Variants in MYO6 observed in about 807,000 individuals in gnomAD.
The protein encoded by MYO6 is myosin VI, also known as unconventional myosin-VI.
A neutral mutation model predicts 178.7 loss-of-function variants in MYO6; 74 were observed. The ratio of observed to expected loss-of-function variants is 0.41; its 90% CI spans 0.34 to 0.50. The LOEUF is 0.50. Ranked by LOEUF, MYO6 falls within the 20% of genes least tolerant of loss-of-function variation. MYO6 has a pLI of 0.09. For synonymous variants in MYO6, 477 were observed against 504.6 expected (o/e 0.95, Z 0.73); for missense variants, 1,330 against 1,547.4 (o/e 0.86, Z 2.36).
chr6:75,795,499 A>T (rs758354243), intron 1 of MYO6, among the ~76,000 whole-genome samples: 1 of 152,204 alleles, frequency 6.6e-6, no homozygotes, highest in Non-Finnish European at 1.5e-5. Context: ...TGACAAAACC[A>T]TTATGGTTTT....
chr6:75,849,933 A>G (rs1775102674), intron 11 of MYO6, among the ~76,000 whole-genome samples: 1 of 152,116 alleles, frequency 6.6e-6, no homozygotes, highest in African/African-American at 2.4e-5. Context: ...AGCATAGATA[A>G]GGCCCACTGG....
In MYO6 at chr6:75,862,158, G is replaced by A. The variant is rs72654786; in HGVS notation, c.1547-438G>A. ...GGAATTTCAAACGAATGGAAAGAGC[G>A]TAAAAATGTGTTGTTACAGATTTTG... On this transcript the variant is annotated intron_variant, in intron 15 of 34. Coordinates refer to ENST00000369977, the MANE Select transcript of MYO6 (RefSeq NM_004999.4). Among the ~76,000 whole-genome samples the A allele has an allele frequency of 0.013, 1,999 of 152,288 alleles. 74 individuals carry two copies. The East Asian group carries it at 0.15, about 11-fold the overall frequency.
At chr6:75,844,829 G>T in intron 9 of MYO6, 68 bp from the exon 10 acceptor site, 1 of 1,281,354 alleles carries the variant, frequency 7.8e-7, no homozygotes, top group Non-Finnish European at 1.1e-6. Flanking sequence ...TTGGTAAGTT[G>T]TGTTTTCTCC....
intron 1 of MYO6, among the ~76,000 whole-genome samples, chr6:75,750,588 C>A (rs1036938421): frequency 1.3e-5 from 2 of 148,470 alleles, no homozygotes; most frequent in Non-Finnish European, 3.0e-5. Flanking sequence ...TAAATAAAGT[C>A]AGAACTTGAG....
At chr6:75,900,463 G>A (rs1347655392) in intron 30 of MYO6, among the ~76,000 whole-genome samples, 1 of 152,194 alleles carries the variant, frequency 6.6e-6, no homozygotes, top group African/African-American at 2.4e-5. Context: ...TTGTGGTTTT[G>A]ATTTGCATTT....
intron 1 of MYO6, among the ~76,000 whole-genome samples, chr6:75,791,859 C>A (rs1352964149): frequency 6.6e-6 from 1 of 152,164 alleles, no homozygotes; most frequent in African/African-American, 2.4e-5. Flanking sequence ...ACAGTGCATA[C>A]TTGAATCATT....
chr6:75,865,840 A>G (rs9447570), intron 16 of MYO6, among the ~76,000 whole-genome samples: 355 of 152,322 alleles, frequency 2.3e-3, no homozygotes, highest in African/African-American at 8.2e-3. Flanking sequence ...ATGTTAGGCT[A>G]TATTATTTGA....
intron 29 of MYO6, among the ~76,000 whole-genome samples, chr6:75,896,229 G>A (rs561747680): frequency 5.3e-5 from 8 of 152,112 alleles, no homozygotes; most frequent in Non-Finnish European, 1.0e-4. Context: ...TTTAATAAAT[G>A]ATGCAACCTA....
At chr6:75,867,844 A>G (rs1320361895) in intron 18 of MYO6, among the ~76,000 whole-genome samples, 3 of 152,144 alleles carry the variant, frequency 2.0e-5, no homozygotes, top group Non-Finnish European at 4.4e-5. Flanking sequence ...GAACACTACT[A>G]ATTGGTTCTA....
chr6:75,756,481 C>A (rs888134188), intron 1 of MYO6, among the ~76,000 whole-genome samples: 1 of 152,082 alleles, frequency 6.6e-6, no homozygotes. Context: ...TACAGGTGCT[C>A]ACGACCATGC....
At chr6:75,902,163 C>T (rs1264991199) in intron 30 of MYO6, among the ~76,000 whole-genome samples, 3 of 152,282 alleles carry the variant, frequency 2.0e-5, no homozygotes, top group Non-Finnish European at 2.9e-5. Flanking sequence ...CAATGTTCTT[C>T]AAGGATATTG....
chr6:75,847,925 A>G (rs958045387), intron 10 of MYO6, among the ~76,000 whole-genome samples: 1 of 152,082 alleles, frequency 6.6e-6, no homozygotes, highest in Non-Finnish European at 1.5e-5. Context: ...TGATACATGT[A>G]TACATTGTGG....
chr6:75,866,277 G>GTGTGTC (rs1562263580), intron 16 of MYO6, among the ~76,000 whole-genome samples: 1 of 126,908 alleles, frequency 7.9e-6, no homozygotes, highest in Non-Finnish European at 1.8e-5. Flanking sequence ...CTCTGTCTCT[G>GTGTGTC]TGTGTGTGTG....
chr6:75,784,586 A>T (rs1360426628), intron 1 of MYO6, among the ~76,000 whole-genome samples: 14 of 151,764 alleles, frequency 9.2e-5, no homozygotes. Context: ...ATCCTGGCTA[A>T]CATGGTGAAA....
chr6:75,756,991 TACAC>T (rs1777447095), intron 1 of MYO6, among the ~76,000 whole-genome samples: 1 of 138,676 alleles, frequency 7.2e-6, no homozygotes, highest in African/African-American at 2.7e-5. Context: ...TATATATGTA[TACAC>T]ACATATATAG....
At chr6:75,855,013 A>G in intron 11 of MYO6, 126 bp from the exon 12 acceptor site, 1 of 843,104 alleles carries the variant, frequency 1.2e-6, no homozygotes, top group Non-Finnish European at 1.9e-6. Context: ...GGTAGATTTA[A>G]AAGTTACAAA....
intron 27 of MYO6, among the ~76,000 whole-genome samples, chr6:75,891,984 TA>T (rs1367347617): frequency 1.3e-5 from 2 of 152,058 alleles, no homozygotes; most frequent in African/African-American, 2.4e-5. Context: ...TTTTTATACC[TA>T]GGGGAAAGTC....
chr6:75,903,866 C>T (rs1349854264), intron 30 of MYO6, among the ~76,000 whole-genome samples: 15 of 151,602 alleles, frequency 9.9e-5, no homozygotes, highest in East Asian at 7.8e-4. Context: ...CGGCTGGTAC[C>T]GGTTGTTCCT....
intron 1 of MYO6, among the ~76,000 whole-genome samples, chr6:75,800,176 C>G (rs1432126487): frequency 1.3e-5 from 2 of 152,106 alleles, no homozygotes; most frequent in Admixed American, 1.3e-4. Flanking sequence ...CTACTCTCCC[C>G]AAACAGTCCC....
Sources: allele counts gnomAD v4.1 joint callset (sites outside exome capture counted in the v4.1 genomes callset), GRCh38; gene constraint gnomAD v4.1.1; transcripts MANE v1.5; gene names NCBI Gene and HGNC (gene_info 2026-07-23, HGNC 2026-07-21).